The following MCC variants were observed in gnomAD, a reference collection of about 807,000 sequenced individuals.
The protein encoded by MCC is colorectal mutant cancer protein.
Under a neutral mutation model 116.2 loss-of-function variants are expected in MCC, and 90 were observed. That is an observed-to-expected ratio of 0.77 (90% CI 0.65 to 0.92). MCC has a LOEUF of 0.92. Ranked by LOEUF, MCC falls within the 40% of genes least tolerant of loss-of-function variation. MCC has a pLI of 0.00. For missense variants in MCC, 1,516 were observed against 1,312.2 expected, an observed-to-expected ratio of 1.16 and a Z score of -2.40; for synonymous variants, 578 against 510.5, an observed-to-expected ratio of 1.13 and a Z score of -1.78.
intron 1 of MCC, among the ~76,000 whole-genome samples, chr5:113,399,463 C>T (rs758115786): frequency 1.3e-5 from 2 of 151,588 alleles, no homozygotes; most frequent in Non-Finnish European, 2.9e-5. Context: ...CCAGCCTGGC[C>T]GACAGAGCAA....
At chr5:113,041,244 T>TA (rs1751688543) in intron 17 of MCC, among the ~76,000 whole-genome samples, 2 of 152,170 alleles carry the variant, frequency 1.3e-5, no homozygotes, top group African/African-American at 4.8e-5. Flanking sequence ...GGCCATCCTA[T>TA]AAACAGGCCC....
At chr5:113,140,098 G>C (rs1235041173) in intron 5 of MCC, among the ~76,000 whole-genome samples, 2 of 152,146 alleles carry the variant, frequency 1.3e-5, no homozygotes, top group African/African-American at 4.8e-5. Context: ...TAAATTAATG[G>C]AATCTTACAA....
intron 2 of MCC, among the ~76,000 whole-genome samples, chr5:113,352,795 T>C (rs1768309841): frequency 1.3e-5 from 2 of 152,332 alleles, no homozygotes; most frequent in African/African-American, 2.4e-5. Context: ...TTAACATGAA[T>C]GTTCTTTCCT....
intron 3 of MCC, among the ~76,000 whole-genome samples, chr5:113,158,777 A>C (rs1358646625): frequency 2.6e-5 from 4 of 152,232 alleles, no homozygotes; most frequent in Non-Finnish European, 5.9e-5. Flanking sequence ...CAAAAACTGC[A>C]ATTACTTTTT....
intron 16 of MCC, among the ~76,000 whole-genome samples, chr5:113,046,707 A>G (rs1319771322): frequency 3.6e-5 from 5 of 140,714 alleles, no homozygotes; most frequent in African/African-American, 1.4e-4. Context: ...AAAAAAAAAA[A>G]AAAAGAGAGA....
At chr5:113,184,367 G>T (rs1236261269) in intron 3 of MCC, among the ~76,000 whole-genome samples, 1 of 152,012 alleles carries the variant, frequency 6.6e-6, no homozygotes, top group Non-Finnish European at 1.5e-5. Context: ...GTTTGGATGG[G>T]TTAGAAAGAT....
At chr5:113,320,218 GA>G (rs1186826234) in intron 3 of MCC, among the ~76,000 whole-genome samples, 2 of 151,854 alleles carry the variant, frequency 1.3e-5, no homozygotes, top group Admixed American at 1.3e-4. Flanking sequence ...TGTCTGCCCA[GA>G]AAAAACCCAC....
chr5:113,047,746 T>A (rs28642780), intron 16 of MCC, among the ~76,000 whole-genome samples: 6,636 of 151,680 alleles, frequency 0.044, 500 homozygotes, highest in African/African-American at 0.15. Flanking sequence ...ACAAGGGATA[T>A]AATTCTTTAG....
intron 3 of MCC, among the ~76,000 whole-genome samples, chr5:113,256,971 T>A (rs571995040): frequency 6.6e-6 from 1 of 152,192 alleles, no homozygotes; most frequent in Non-Finnish European, 1.5e-5. Context: ...CTTATCTTTA[T>A]AGGAAAAGAA....
At chr5:113,253,982 GCCTAACATCAATCTACTGAAC>G (rs1216124262) in intron 3 of MCC, among the ~76,000 whole-genome samples, 2 of 152,156 alleles carry the variant, frequency 1.3e-5, no homozygotes, top group African/African-American at 4.8e-5. Flanking sequence ...AATCCAGGAA[GCCTAACATCAATCTACTGAAC>G]CCAAGTCTTC....
At chr5:113,066,841 A>G (rs189201769) in intron 13 of MCC, among the ~76,000 whole-genome samples, 1 of 152,288 alleles carries the variant, frequency 6.6e-6, no homozygotes, top group Admixed American at 6.5e-5. Flanking sequence ...GCTACCACAC[A>G]TGGGAATGCC....
chr5:113,033,377 C>T lies in MCC; in HGVS notation c.2757-4321G>A, dbSNP rs17135276. Among the ~76,000 whole-genome samples, 1,477 of 152,314 alleles carry T rather than the reference C, an allele frequency of 9.7e-3. 23 individuals carry two copies. Among genetic ancestry groups the T allele is most frequent in the African/African-American group, 0.034 (1,410 of 41,562 alleles). ...TATATGCAAAATTGCAAGCACGGGG[C>T]TCACTTTATCAAGTCTACAGTTTTC... On this transcript the variant is annotated intron_variant, in intron 17 of 18. Coordinates refer to ENST00000408903, the MANE Select transcript of MCC (RefSeq NM_001085377.2).
chr5:113,172,584 T>C (rs1761129461), intron 3 of MCC, among the ~76,000 whole-genome samples: 1 of 152,180 alleles, frequency 6.6e-6, no homozygotes, highest in Non-Finnish European at 1.5e-5. Flanking sequence ...ACAGAACAAA[T>C]CAGGTGACGA....
intron 4 of MCC, among the ~76,000 whole-genome samples, chr5:113,147,932 A>C (rs1759624673): frequency 6.6e-6 from 1 of 152,248 alleles, no homozygotes; most frequent in African/African-American, 2.4e-5. Context: ...TCTCTTCCTG[A>C]ATGCCAAGAG....
chr5:113,252,956 G>A (rs534648800), intron 3 of MCC, among the ~76,000 whole-genome samples: 1 of 152,352 alleles, frequency 6.6e-6, no homozygotes, highest in South Asian at 2.1e-4. Context: ...GTGGGTTCAA[G>A]AAAGCCTTAT....
intron 17 of MCC, among the ~76,000 whole-genome samples, chr5:113,038,658 C>T (rs2150211995): frequency 6.6e-6 from 1 of 152,166 alleles, no homozygotes. Flanking sequence ...CCCAGAGGCG[C>T]AGAAGAGGAA....
rs997564912 is a variant in MCC, at chr5:113,482,383, T to C, written c.170+5862A>G. Among the ~76,000 whole-genome samples, 5 of 152,220 alleles carry C rather than the reference T, an allele frequency of 3.3e-5. No homozygotes were observed. The South Asian group carries it at 8.3e-4, about 25-fold the overall frequency. ...TCATTTCACATTGCTATCGGCAATA[T>C]AGAAGGGTTCTGATTTCTTTACATC... On this transcript the variant is annotated intron_variant, in intron 1 of 18. Coordinates refer to ENST00000408903, the MANE Select transcript of MCC (RefSeq NM_001085377.2).
At chr5:113,057,382 A>G (rs1037455060) in intron 14 of MCC, among the ~76,000 whole-genome samples, 1 of 152,164 alleles carries the variant, frequency 6.6e-6, no homozygotes, top group Admixed American at 6.5e-5. Context: ...CTTGGGAGCT[A>G]CAGCAACAAT....
At chr5:113,042,502 T>G (rs1441672531) in intron 17 of MCC, among the ~76,000 whole-genome samples, 2 of 144,966 alleles carry the variant, frequency 1.4e-5, no homozygotes, top group African/African-American at 5.2e-5. Flanking sequence ...AAAAAAAATT[T>G]AAGCATTATA....
Sources: allele counts gnomAD v4.1 joint callset (sites outside exome capture counted in the v4.1 genomes callset), GRCh38; gene constraint gnomAD v4.1.1; transcripts MANE v1.5; gene names NCBI Gene and HGNC (gene_info 2026-07-23, HGNC 2026-07-21).